COLEC12: variants seen among roughly 807,000 people sequenced by gnomAD.
The protein encoded by COLEC12 is collectin-12.
Under a neutral mutation model 71.1 loss-of-function variants are expected in COLEC12, and 33 were observed. The ratio of observed to expected loss-of-function variants is 0.46; its 90% CI spans 0.35 to 0.62. The LOEUF (loss-of-function observed/expected upper bound fraction) is 0.62. COLEC12 is among the 20% of genes least tolerant of loss of function. The pLI, the probability that COLEC12 is intolerant of heterozygous loss-of-function variation, is 0.00. For synonymous variants in COLEC12, 350 were observed against 353.0 expected, an observed-to-expected ratio of 0.99 and a Z score of 0.10; for missense variants, 765 against 916.1, an observed-to-expected ratio of 0.84 and a Z score of 2.13.
intron 2 of COLEC12, among the ~76,000 whole-genome samples, chr18:463,163 C>A (rs1350555313): frequency 6.6e-6 from 1 of 152,166 alleles, no homozygotes; most frequent in Non-Finnish European, 1.5e-5. Flanking sequence ...CCTCTGCAGG[C>A]TTTCAGCATC....
At chr18:446,410 A>G (rs1916651276) in intron 2 of COLEC12, among the ~76,000 whole-genome samples, 2 of 152,046 alleles carry the variant, frequency 1.3e-5, no homozygotes, top group African/African-American at 4.8e-5. Context: ...TACTATAAAA[A>G]TCATCTTTGG....
chr18:451,639 C>T (rs1205867738), intron 2 of COLEC12, among the ~76,000 whole-genome samples: 5 of 151,694 alleles, frequency 3.3e-5, no homozygotes, highest in Non-Finnish European at 5.9e-5. Context: ...CCCAGCTACT[C>T]AGGAGGTTGA....
chr18:421,508 G>A (rs538899817), intron 2 of COLEC12, among the ~76,000 whole-genome samples: 2 of 152,114 alleles, frequency 1.3e-5, no homozygotes, highest in East Asian at 1.9e-4. Context: ...AGACATGAAC[G>A]ACTCAGAGGA....
intron 2 of COLEC12, among the ~76,000 whole-genome samples, chr18:403,272 T>C (rs1467187999): frequency 6.6e-6 from 1 of 152,200 alleles, no homozygotes; most frequent in Non-Finnish European, 1.5e-5. Flanking sequence ...GTGTTTTCAA[T>C]CACCCAAGTT....
chr18:410,309 TCTC>T (rs1325494483), intron 2 of COLEC12, among the ~76,000 whole-genome samples: 1 of 152,012 alleles, frequency 6.6e-6, no homozygotes, highest in African/African-American at 2.4e-5. Flanking sequence ...TTTCCCCACT[TCTC>T]CTGCCAAGTA....
chr18:358,983 C>T (rs960906486), intron 2 of COLEC12, among the ~76,000 whole-genome samples: 1 of 152,130 alleles, frequency 6.6e-6, no homozygotes, highest in African/African-American at 2.4e-5. Context: ...AATCAAATTC[C>T]ATTATGATAA....
intron 2 of COLEC12, among the ~76,000 whole-genome samples, chr18:452,153 T>A (rs759961913): frequency 1.3e-5 from 2 of 152,210 alleles, no homozygotes; most frequent in Non-Finnish European, 2.9e-5. Context: ...ATAAATTTCA[T>A]TGGCATCAAT....
intron 2 of COLEC12, among the ~76,000 whole-genome samples, chr18:448,444 G>C (rs185675582): frequency 2.8e-3 from 424 of 152,328 alleles, no homozygotes; most frequent in Admixed American, 7.4e-3. Context: ...GGTATGTGGT[G>C]AAGGAAAGCT....
rs779908251 is a variant in COLEC12 at position 357,441 on chromosome 18, C to A, written c.140G>T (p.Cys47Phe). 1 of 1,603,484 alleles carries A rather than the reference C, an allele frequency of 6.2e-7. No individual in the cohort carries two copies. Reference protein sequence around the residue: ...KFSIILLYILCALLTITVAIL... With the variant: ...KFSIILLYILFALLTITVAIL... ...GGCTACTGTGATTGTTAGCAAGGCACACAAAATGTATAATAATATGATAGA... is the reference window on the plus strand; with the variant it reads ...GGCTACTGTGATTGTTAGCAAGGCAAACAAAATGTATAATAATATGATAGA... The change falls in exon 3 of 10, where the codon TGT (cysteine) becomes TTT (phenylalanine). Residue 47 changes from cysteine (C) to phenylalanine (F), a missense_variant. Coordinates refer to ENST00000400256, the MANE Select transcript of COLEC12 (RefSeq NM_130386.3).
At chr18:474,757 A>G (rs540022111) in intron 2 of COLEC12, among the ~76,000 whole-genome samples, 2 of 152,158 alleles carry the variant, frequency 1.3e-5, no homozygotes, top group Non-Finnish European at 2.9e-5. Flanking sequence ...AGTTCCTCAC[A>G]TGCCATTTTG....
chr18:428,666 T>C (rs1219300960), intron 2 of COLEC12, among the ~76,000 whole-genome samples: 1 of 152,238 alleles, frequency 6.6e-6, no homozygotes, highest in Admixed American at 6.5e-5. Context: ...TTGCATGTAA[T>C]TAGGTGACTG....
Position 317,134 on chromosome 18 carries a change from G to A in COLEC12, c.*2911C>T, listed in dbSNP as rs1437096811. 2 of 152,320 alleles carry A rather than the reference G, an allele frequency of 1.3e-5. No homozygotes were observed. The highest frequency in any genetic ancestry group is 2.9e-5 in the Non-Finnish European group (2 of 68,106). 9.4% of individuals were successfully genotyped at this position (152,320 alleles called of 1,614,324 possible). A position where few individuals can be genotyped will look rare whatever the true frequency, so the allele number is the denominator to read the frequency against. On this transcript the variant is annotated 3_prime_UTR_variant, in exon 10 of 10. Coordinates refer to ENST00000400256, the MANE Select transcript of COLEC12 (RefSeq NM_130386.3). Reference sequence around the variant, plus strand: ...TAAGCTACTGCAGAGGCTGAGGCGGGAGAGTCGCTTGAACCTGGGAGGCAG... The same window carrying A: ...TAAGCTACTGCAGAGGCTGAGGCGGAAGAGTCGCTTGAACCTGGGAGGCAG...
At chr18:391,317 CAGAGA>C (rs1387743194) in intron 2 of COLEC12, among the ~76,000 whole-genome samples, 1 of 152,148 alleles carries the variant, frequency 6.6e-6, no homozygotes, top group Non-Finnish European at 1.5e-5. Flanking sequence ...TGTGCGCAAA[CAGAGA>C]AGAGAACAGG....
chr18:352,039 G>A (rs1002189235), intron 3 of COLEC12, among the ~76,000 whole-genome samples: 1 of 152,096 alleles, frequency 6.6e-6, no homozygotes, highest in African/African-American at 2.4e-5. Context: ...AACCAACCCA[G>A]GGAAGCCTGA....
At chr18:424,671 T>C (rs761240418) in intron 2 of COLEC12, among the ~76,000 whole-genome samples, 15 of 152,234 alleles carry the variant, frequency 9.9e-5, no homozygotes, top group Non-Finnish European at 1.8e-4. Flanking sequence ...CAAGAGGACT[T>C]CTGATGTTGT....
At chr18:348,598 G>A (rs590419) in intron 3 of COLEC12, among the ~76,000 whole-genome samples, 99,648 of 152,030 alleles carry the variant, frequency 0.66, 33,477 homozygotes, top group East Asian at 0.97. Context: ...TTACCTAGAA[G>A]AGGATTCCAT....
At chr18:353,133 C>T (rs959263267) in intron 3 of COLEC12, among the ~76,000 whole-genome samples, 4 of 152,180 alleles carry the variant, frequency 2.6e-5, no homozygotes, top group Non-Finnish European at 4.4e-5. Context: ...CTTCTTCCCT[C>T]GTCTTGACTC....
chr18:372,359 G>A (rs929981522), intron 2 of COLEC12, among the ~76,000 whole-genome samples: 6 of 152,198 alleles, frequency 3.9e-5, no homozygotes, highest in African/African-American at 1.2e-4. Context: ...AGTTGGTGCA[G>A]AAGTAGGGGC....
intron 2 of COLEC12, among the ~76,000 whole-genome samples, chr18:448,209 A>T (rs1916690410): frequency 3.3e-5 from 5 of 152,222 alleles, no homozygotes; most frequent in Admixed American, 3.3e-4. Context: ...CTTTGTCATC[A>T]TCGTGGGATA....
Sources: gnomAD v4.1 joint callset for allele counts (sites outside exome capture counted in the v4.1 genomes callset) on GRCh38, gnomAD v4.1.1 for gene constraint, MANE v1.5 for transcripts, NCBI Gene and HGNC (gene_info 2026-07-23, HGNC 2026-07-21) for gene names.